The following SPEG variants were observed in gnomAD, a reference collection of about 807,000 sequenced individuals.
The protein encoded by SPEG is striated muscle preferentially expressed protein kinase.
SPEG carries 114 observed loss-of-function variants against 300.4 expected under a neutral mutation model. The observed-to-expected ratio is 0.38, with a 90% CI of 0.33 to 0.44. SPEG has a LOEUF of 0.44. Ranked by LOEUF, SPEG falls within the 20% of genes least tolerant of loss-of-function variation. The pLI is 1.00. For synonymous variants in SPEG, 1,964 were observed against 2,018.9 expected (o/e 0.97, Z 0.73); for missense variants, 4,201 against 4,586.2 (o/e 0.92, Z 2.43).
rs1158852104 is a variant in SPEG, at chr2:219,479,227, A to G, written c.5085+26A>G. On this transcript the variant is annotated intron_variant, in intron 23 of 40. Coordinates refer to ENST00000312358, the MANE Select transcript of SPEG (RefSeq NM_005876.5). The surrounding 1 kb of genome is among the most constrained non-coding windows in gnomAD (Gnocchi z 5.5). ...GTGAGGGCAGTGGGTGGCAGGGGCCAGGTTGGGCACCAGCCTTCACCCACC... is the reference window on the plus strand; with the variant it reads ...GTGAGGGCAGTGGGTGGCAGGGGCCGGGTTGGGCACCAGCCTTCACCCACC... The G allele has an allele frequency of 1.2e-6, 2 of 1,605,606 alleles. No individual in the cohort carries two copies. The highest frequency in any genetic ancestry group is 3.3e-4 in the Middle Eastern group (2 of 6,006).
At chr2:219,462,863 A>T (rs1020876962) in intron 8 of SPEG, among the ~76,000 whole-genome samples, 11 of 152,220 alleles carry the variant, frequency 7.2e-5, no homozygotes, top group Non-Finnish European at 1.2e-4. Context: ...AGCTGTAGTG[A>T]GCTGAGATCA....
rs1019200333 is a variant in SPEG at position 219,466,296 on chromosome 2, C to T, written c.2882-878C>T. 9 of 1,420,696 alleles carry T rather than the reference C, an allele frequency of 6.3e-6. No individual in the cohort carries two copies. The African/African-American group carries it at 1.2e-4, about 18-fold the overall frequency. 88.0% of individuals were successfully genotyped at this position (1,420,696 alleles called of 1,614,324 possible). ...ACACATGGCTGTGCAGGCCAGGAGG[C>T]CCACAGATGGACTGAGTGCTGGGAA... On this transcript the variant is annotated intron_variant, in intron 9 of 40. Transcript: ENST00000312358.
rs1247631876 is a variant in SPEG at position 219,435,047 on chromosome 2, C to T, written c.70C>T (p.Pro24Ser). The change falls in exon 1 of 41, where the codon CCG becomes TCG. Residue 24 changes from proline (P) to serine (S), a missense_variant. By Grantham distance (74) the Pro-to-Ser change is moderately conservative. Transcript: ENST00000312358. ...GGCACCCCCCAGCCCCGGAGTGCCCCCGAAAAGGGCCAAGGTGGGGGCCGG... is the reference window on the plus strand; with the variant it reads ...GGCACCCCCCAGCCCCGGAGTGCCCTCGAAAAGGGCCAAGGTGGGGGCCGG... ...TRAPPSPGVP[P>S]KRAKVGAGGG... 2 of 1,492,680 alleles carry T rather than the reference C, an allele frequency of 1.3e-6. No homozygotes were observed. Among genetic ancestry groups the T allele is most frequent in the East Asian group, 5.7e-5 (2 of 35,042 alleles). 92.5% of individuals were successfully genotyped at this position (1,492,680 alleles called of 1,614,324 possible).
chr2:219,441,636 C>T (rs1182875416), intron 1 of SPEG: 1 of 467,650 alleles, frequency 2.1e-6, no homozygotes, highest in South Asian at 1.6e-5. Flanking sequence ...CAGAAAGTGG[C>T]CTGAGCTAGA....
At chr2:219,454,526 T>G (rs1690024834) in intron 6 of SPEG, among the ~76,000 whole-genome samples, 1 of 152,216 alleles carries the variant, frequency 6.6e-6, no homozygotes, top group Non-Finnish European at 1.5e-5. Flanking sequence ...GACAGTGTCA[T>G]AGACTTTCCC....
At position 219,444,681 on chromosome 2, in the gene SPEG, C is replaced by T. The variant is rs780134728; in HGVS notation, c.417C>T (p.Ser139=). ...CAGAGACGGCTGAGGATGACATCAG[C>T]GATGTGCAGGGAACCCAGCGCCTGG... The part of the protein sequence containing the change: ...GDSETAEDDI[S]DVQGTQRLEL... Residue 139 remains serine, a synonymous_variant, in exon 2 of 41, where the codon AGC becomes AGT. Coordinates refer to ENST00000312358, the MANE Select transcript of SPEG (RefSeq NM_005876.5). The surrounding 1 kb of genome is among the most constrained non-coding windows in gnomAD (Gnocchi z 7.8). 8 of 1,614,016 alleles carry T rather than the reference C, an allele frequency of 5.0e-6. No individual in the cohort carries two copies. The highest frequency in any genetic ancestry group is 4.5e-5 in the East Asian group (2 of 44,874).
rs994256010 is a variant in SPEG at position 219,464,298 on chromosome 2, C to T, written c.2706-135C>T. On this transcript the variant is annotated intron_variant, in intron 8 of 40. Transcript: ENST00000312358. The surrounding 1 kb of genome is among the most constrained non-coding windows in gnomAD (Gnocchi z 4.5). ...TAGCCCTGGAAACCAGGGATGCCCA[C>T]GGTCAGTGGGACAGATCTGGGGACT... 2.1e-5 allele frequency: 20 copies of T among 972,362 alleles called. No homozygotes were observed. Among genetic ancestry groups the T allele is most frequent in the South Asian group, 1.8e-4 (11 of 59,950 alleles). 60.2% of individuals were successfully genotyped at this position (972,362 alleles called of 1,614,324 possible). A position where few individuals can be genotyped will look rare whatever the true frequency, so the allele number is the denominator to read the frequency against.
rs764896434 is a variant in SPEG at position 219,489,545 on chromosome 2, C to G, written c.8527C>G (p.Gln2843Glu). ...GCTCAAGGCTGTGGGTCCACCACCC[C>G]AAACCCCTCCACGAAGACACAGGGG... ...SSLKAVGPPPQTPPRRHRGLQ... is the reference protein window; with the variant it reads ...SSLKAVGPPPETPPRRHRGLQ... The change falls in exon 36 of 41, where the codon CAA becomes GAA. Residue 2843 changes from glutamine (Q) to glutamate (E), a missense_variant. Coordinates refer to ENST00000312358, the MANE Select transcript of SPEG (RefSeq NM_005876.5). The G allele has an allele frequency of 6.2e-7, 1 of 1,613,596 alleles. No homozygotes were observed. The highest frequency in any genetic ancestry group is 8.5e-7 in the Non-Finnish European group (1 of 1,179,932).
rs184030245 is a variant in SPEG, at chr2:219,488,593, G to A, written c.7954G>A (p.Ala2652Thr). The A allele has an allele frequency of 2.0e-4, 321 of 1,612,340 alleles. No individual in the cohort carries two copies. The East Asian group carries it at 4.6e-3, about 23-fold the overall frequency. Residue 2652 changes from alanine (A) to threonine (T), a missense_variant, in exon 33 of 41, where the codon GCC (alanine) becomes ACC (threonine). Physicochemically the swap from Ala to Thr is moderately conservative, Grantham distance 58. Around this residue, in one of 4 missense-constraint regions of SPEG, gnomAD observed 1,578 missense variants for 1,506.0 expected, o/e 1.05. Transcript: ENST00000312358. ...LSIPRAGKRH[A>T]GLYECSATNV... ...CATCCCCCGGGCGGGCAAGCGGCAC[G>A]CCGGTCTCTATGAGTGCTCGGCCAC... is the stretch of plus-strand genomic sequence containing the variant.
At chr2:219,491,338 T>C (rs543670937) in intron 38 of SPEG, among the ~76,000 whole-genome samples, 2 of 152,314 alleles carry the variant, frequency 1.3e-5, no homozygotes, top group Non-Finnish European at 2.9e-5. Context: ...TTGGTGTGGT[T>C]CTACAGGCCA....
intron 8 of SPEG, among the ~76,000 whole-genome samples, chr2:219,463,531 A>C (rs1185399795): frequency 6.8e-6 from 1 of 147,728 alleles, no homozygotes; most frequent in Non-Finnish European, 1.5e-5. Flanking sequence ...CTCCTGCCTC[A>C]GCCTCCTGAG....
At position 219,483,907 on chromosome 2, in the gene SPEG, C is replaced by T; in HGVS notation, c.6444C>T (p.Pro2148=). 3 of 1,602,282 alleles carry T rather than the reference C, an allele frequency of 1.9e-6. No homozygotes were observed. The highest frequency in any genetic ancestry group is 2.5e-6 in the Non-Finnish European group (3 of 1,179,032). Residue 2148 remains proline (P), a synonymous_variant, in exon 30 of 41, where the codon CCC becomes CCT. Transcript: ENST00000312358. The part of the protein sequence containing the change: ...PRGRHRRAGA[P]LEIPVARLGA... ...GCCGGCACCGCCGAGCGGGGGCGCC[C>T]CTCGAGATCCCCGTGGCCAGGCTTG...
chr2:219,477,402 G>A lies in SPEG; in HGVS notation c.4686G>A (p.Leu1562=). ...GGVYTCTAQN[L]AGEVSCKAEL... ...TCTACACCTGCACCGCCCAGAACCT[G>A]GCGGGTGAGGTCTCCTGCAAAGCAG... Residue 1562 remains leucine (L), a synonymous_variant, in exon 20 of 41, where the codon CTG becomes CTA. Transcript: ENST00000312358. This position sits in a 1 kb window ranked among gnomAD's most constrained non-coding sequence, Gnocchi z 6.4. 1 of 1,604,998 alleles carries A rather than the reference G, an allele frequency of 6.2e-7. No homozygotes were observed.
chr2:219,435,393 G>A, intron 1 of SPEG, 28 bp downstream of exon 1: 1 of 1,516,778 alleles, frequency 6.6e-7, no homozygotes, highest in Non-Finnish European at 8.8e-7. Flanking sequence ...GCCGCGCCCG[G>A]CAGGGGCGGG....
chr2:219,473,086 G>A lies in SPEG; in HGVS notation c.4137G>A (p.Leu1379=). 1 of 1,613,680 alleles carries A rather than the reference G, an allele frequency of 6.2e-7. No individual in the cohort carries two copies. Residue 1379 remains leucine (L), a synonymous_variant, in exon 16 of 41, where the codon CTG becomes CTA. Transcript: ENST00000312358. This position sits in a 1 kb window ranked among gnomAD's most constrained non-coding sequence, Gnocchi z 4.6. The stretch of plus-strand genomic sequence containing the variant: ...CACCCCCTTCTGAGCCTGTGCAGCT[G>A]CTGGAGCACGGTGAGCCTGGGTGCT... ...KPSPPSEPVQ[L]LEHGPTLEEA...
At chr2:219,475,825 C>A (rs1000006899) in intron 18 of SPEG, among the ~76,000 whole-genome samples, 1 of 152,242 alleles carries the variant, frequency 6.6e-6, no homozygotes, top group Admixed American at 6.5e-5. Context: ...CCCCACCCAG[C>A]CACACCCAGA....
intron 10 of SPEG, among the ~76,000 whole-genome samples, chr2:219,467,723 G>A (rs1184351530): frequency 6.6e-6 from 1 of 152,274 alleles, no homozygotes; most frequent in Non-Finnish European, 1.5e-5. Context: ...ATATAACTTT[G>A]AACAAGTCAC....
In SPEG at chr2:219,461,172, C is replaced by G. The variant is rs1014832642; in HGVS notation, c.2441-710C>G. Reference sequence around the variant, plus strand: ...TCAGGGCCCTGGGGACACCCCTCCCCCAAGGCTGACTCTGGTGCCCCCCTC... The same window carrying G: ...TCAGGGCCCTGGGGACACCCCTCCCGCAAGGCTGACTCTGGTGCCCCCCTC... On this transcript the variant is annotated intron_variant, in intron 6 of 40. Coordinates refer to ENST00000312358, the MANE Select transcript of SPEG (RefSeq NM_005876.5). 5 of 975,668 alleles carry G rather than the reference C, an allele frequency of 5.1e-6. No homozygotes were observed. The African/African-American group carries it at 5.3e-5, about 10-fold the overall frequency. The allele number at this position is 975,668 out of a possible 1,614,324, so 60.4% of individuals were successfully genotyped here. A position where few individuals can be genotyped will look rare whatever the true frequency, so the allele number is the denominator to read the frequency against.
At chr2:219,487,428 A>G (rs1419940917) in intron 31 of SPEG, among the ~76,000 whole-genome samples, 1 of 152,196 alleles carries the variant, frequency 6.6e-6, no homozygotes, top group Non-Finnish European at 1.5e-5. Context: ...CAGACACTTT[A>G]CATGCCTCGT....
Sources: allele counts gnomAD v4.1 joint callset (sites outside exome capture counted in the v4.1 genomes callset), GRCh38; gene constraint gnomAD v4.1.1; regional missense constraint gnomAD v4.1.1; non-coding constraint Gnocchi (gnomAD v3.1); transcripts MANE v1.5; gene names NCBI Gene and HGNC (gene_info 2026-07-23, HGNC 2026-07-21).